The following WDR48 variants were observed in gnomAD, a reference collection of about 807,000 sequenced individuals.
WDR48 encodes WD repeat domain 48.
A neutral mutation model predicts 94.0 loss-of-function variants in WDR48; 22 were observed. The ratio of observed to expected loss-of-function variants is 0.23; its 90% confidence interval spans 0.17 to 0.33. WDR48 has a LOEUF of 0.33. Ranked by LOEUF, WDR48 falls within the 10% of genes least tolerant of loss-of-function variation. The pLI is 1.00. For synonymous variants in WDR48, 278 were observed against 280.5 expected (o/e 0.99, Z 0.09); for missense variants, 541 against 813.8 (o/e 0.66, Z 4.08).
intron 12 of WDR48, 94 bp from the exon 13 acceptor site, chr3:39,084,551 C>G: frequency 9.0e-7 from 1 of 1,109,652 alleles, no homozygotes; most frequent in South Asian, 1.6e-5. Context: ...TATGACTTAG[C>G]ACTTTAGTCA....
At chr3:39,084,524 AT>A in intron 12 of WDR48, 120 bp from the exon 13 acceptor site, 1 of 824,326 alleles carries the variant, frequency 1.2e-6, no homozygotes, top group Middle Eastern at 2.7e-4. Flanking sequence ...CACAAAACAC[AT>A]TTTGGTTCCT....
At chr3:39,068,901 T>C in intron 6 of WDR48, 42 bp downstream of exon 6, 1 of 1,372,314 alleles carries the variant, frequency 7.3e-7, no homozygotes, top group Non-Finnish European at 1.0e-6. Flanking sequence ...AAAAAATTAT[T>C]TTTCACATAC....
chr3:39,064,670 A>G (rs1223726155), intron 2 of WDR48, among the ~76,000 whole-genome samples: 1 of 151,488 alleles, frequency 6.6e-6, no homozygotes, highest in African/African-American at 2.4e-5. Flanking sequence ...CAACTTGAAA[A>G]CCCTAGTGCT....
chr3:39,094,601 A>G (rs910140631), intron 18 of WDR48, 47 bp from the exon 19 acceptor site: 13 of 1,610,928 alleles, frequency 8.1e-6, no homozygotes, highest in Non-Finnish European at 1.1e-5. Context: ...ATAAGGTTTT[A>G]GATATTAGAG....
chr3:39,074,916 T>A lies in WDR48; in HGVS notation c.863T>A (p.Val288Glu). ...GACCTAAGAAACCCTGACATTCGGG[T>A]GCTAATTTGTGAAGAAAAAGCACCA... ...CTDLRNPDIR[V>E]LICEEKAPVL... Residue 288 changes from valine (V) to glutamate (E), a missense_variant, in exon 8 of 19, where the codon GTG becomes GAG. Physicochemically the swap from Val to Glu is moderately radical, Grantham distance 121. Coordinates refer to ENST00000302313, the MANE Select transcript of WDR48 (RefSeq NM_020839.4). 6.2e-7 allele frequency: 1 copy of A among 1,614,140 alleles called. No individual in the cohort carries two copies. Among genetic ancestry groups the A allele is most frequent in the Non-Finnish European group, 8.5e-7 (1 of 1,180,028 alleles).
intron 9 of WDR48, among the ~76,000 whole-genome samples, chr3:39,077,608 T>C (rs1443730524): frequency 2.6e-5 from 4 of 152,114 alleles, no homozygotes; most frequent in African/African-American, 2.4e-5. Context: ...AAGCAGAAAA[T>C]TGTGCTTTCA....
intron 2 of WDR48, 155 bp from the exon 3 acceptor site, chr3:39,065,656 A>G (rs1355169032): frequency 6.3e-6 from 3 of 478,276 alleles, no homozygotes; most frequent in Non-Finnish European, 1.1e-5. Context: ...ATCTGGAAGC[A>G]TCACCTATTT....
chr3:39,078,310 A>T, intron 10 of WDR48, 71 bp downstream of exon 10: 1 of 1,026,794 alleles, frequency 9.7e-7, no homozygotes, highest in African/African-American at 1.6e-5. Flanking sequence ...ACAAAAATCA[A>T]GACAATGACC....
rs1475663616 is a variant in WDR48 at position 39,094,880 on chromosome 3, A to G, written c.*137A>G. The G allele has an allele frequency of 4.4e-6, 5 of 1,132,896 alleles. No individual in the cohort carries two copies. The highest frequency in any genetic ancestry group is 2.3e-5 in the Admixed American group (1 of 42,834). The allele number at this position is 1,132,896 out of a possible 1,614,324, so 70.2% of individuals were successfully genotyped here. A position where few individuals can be genotyped will look rare whatever the true frequency, so the allele number is the denominator to read the frequency against. ...TGGTATGGACCGAGATTATCTTTCA[A>G]TTGAAGTGACTAATCGAGATGTAAT... On this transcript the variant is annotated 3_prime_UTR_variant, in exon 19 of 19. Transcript: ENST00000302313.
At chr3:39,070,452 G>A (rs1377883691) in intron 7 of WDR48, among the ~76,000 whole-genome samples, 1 of 152,190 alleles carries the variant, frequency 6.6e-6, no homozygotes, top group Non-Finnish European at 1.5e-5. Context: ...CAGGTAGAAA[G>A]ATGATGAGGT....
rs565581002 is a variant in WDR48, at chr3:39,093,772, T to G, written c.1746-102T>G. ...TAATGACTAAAAACATTTATTGGTT[T>G]ATTTTTCATCTTTAAAATGTTTGCA... is the stretch of plus-strand genomic sequence containing the variant. On this transcript the variant is annotated intron_variant, in intron 17 of 18. Coordinates refer to ENST00000302313, the MANE Select transcript of WDR48 (RefSeq NM_020839.4). The G allele has an allele frequency of 2.1e-5, 27 of 1,274,204 alleles. No homozygotes were observed. In the East Asian group the frequency reaches 5.7e-4, roughly 27 times the overall value. 78.9% of individuals were successfully genotyped at this position (1,274,204 alleles called of 1,614,324 possible). A position where few individuals can be genotyped will look rare whatever the true frequency, so the allele number is the denominator to read the frequency against.
chr3:39,084,134 A>C (rs112267907), intron 11 of WDR48, 21 bp from the exon 12 acceptor site: 1 of 1,581,488 alleles, frequency 6.3e-7, no homozygotes, highest in East Asian at 2.2e-5. Flanking sequence ...ATTGATCATT[A>C]TACTTTCTTT....
intron 1 of WDR48, 96 bp downstream of exon 1, chr3:39,052,169 G>A: frequency 6.7e-7 from 1 of 1,488,464 alleles, no homozygotes; most frequent in Non-Finnish European, 9.2e-7. Flanking sequence ...AGCTGGGGTA[G>A]CGGCATGGGG....
chr3:39,063,002 C>T (rs941836655), intron 1 of WDR48, 48 bp from the exon 2 acceptor site: 9 of 1,603,528 alleles, frequency 5.6e-6, no homozygotes, highest in African/African-American at 1.3e-5. Context: ...TATTTTATTA[C>T]TGCATGGCTT....
intron 7 of WDR48, among the ~76,000 whole-genome samples, chr3:39,072,785 T>G (rs6599006): frequency 0.45 from 67,731 of 152,030 alleles, 18,236 homozygotes; most frequent in African/African-American, 0.77. Flanking sequence ...TCAGGCACTA[T>G]AATTCCTATA....
chr3:39,062,930 T>G (rs2033362039), intron 1 of WDR48, 120 bp from the exon 2 acceptor site: 1 of 1,301,246 alleles, frequency 7.7e-7, no homozygotes, highest in African/African-American at 1.5e-5. Context: ...TTGTATTGGG[T>G]TGAAAAAGTA....
intron 2 of WDR48, among the ~76,000 whole-genome samples, chr3:39,065,129 T>A (rs573542802): frequency 1.1e-4 from 17 of 152,300 alleles, no homozygotes; most frequent in African/African-American, 3.6e-4. Flanking sequence ...AGGTGTAGGA[T>A]GTAACTAAAT....
At chr3:39,056,258 GA>G (rs2032880004) in intron 1 of WDR48, among the ~76,000 whole-genome samples, 1 of 152,074 alleles carries the variant, frequency 6.6e-6, no homozygotes, top group Non-Finnish European at 1.5e-5. Context: ...AATAGTAAAG[GA>G]AGTGTTACAA....
Position 39,078,192 on chromosome 3 carries a change from C to T in WDR48, c.1028C>T (p.Thr343Ile), listed in dbSNP as rs751164736. ...TCTGGAGATTATGACAATGACTGTA[C>T]AAATCCTATAACACCTCTTTGTACA... Reference protein sequence around the residue: ...RASGDYDNDCTNPITPLCTQP... With the variant: ...RASGDYDNDCINPITPLCTQP... Residue 343 changes from threonine (T) to isoleucine (I), a missense_variant, in exon 10 of 19, where the codon ACA (threonine) becomes ATA (isoleucine). Around this residue, in one of 5 missense-constraint regions of WDR48, gnomAD observed 238 missense variants for 285.3 expected, o/e 0.83. Transcript: ENST00000302313. 6.2e-7 allele frequency: 1 copy of T among 1,613,266 alleles called. No homozygotes were observed. The highest frequency in any genetic ancestry group is 1.1e-5 in the South Asian group (1 of 91,012).
Sources: gnomAD v4.1 joint callset for allele counts (sites outside exome capture counted in the v4.1 genomes callset) on GRCh38, gnomAD v4.1.1 for gene constraint, gnomAD v4.1.1 regional missense constraint, MANE v1.5 for transcripts, NCBI Gene and HGNC (gene_info 2026-07-23, HGNC 2026-07-21) for gene names.